Variants in CACNA1H observed in about 807,000 individuals in gnomAD.
CACNA1H encodes voltage-dependent T-type calcium channel subunit alpha-1H.
CACNA1H carries 149 observed loss-of-function variants against 192.5 expected under a neutral mutation model. The ratio of observed to expected loss-of-function variants is 0.77; its 90% CI spans 0.68 to 0.89. CACNA1H has a LOEUF of 0.89. Among genes scored for constraint, CACNA1H ranks in the 40% least tolerant of loss-of-function variants. The probability of loss-of-function intolerance (pLI) is 0.00; values close to 1 mark genes in which losing one functional copy is unlikely to be tolerated. For missense variants in CACNA1H, 4,257 were observed against 3,423.5 expected, an observed-to-expected ratio of 1.24 and a Z score of -6.08; for synonymous variants, 2,202 against 1,475.2, an observed-to-expected ratio of 1.49 and a Z score of -11.29.
chr16:1,219,162 T>G, intron 34 of CACNA1H, 32 bp downstream of exon 34: 3 of 1,491,552 alleles, frequency 2.0e-6, no homozygotes, highest in Non-Finnish European at 2.7e-6. Context: ...CAGCAGAGGC[T>G]GGCGGGGATG....
At position 1,204,057 on chromosome 16, in the gene CACNA1H, C is replaced by T. The variant is rs762185083; in HGVS notation, c.2050C>T (p.Pro684Ser). Residue 684 changes from proline (P) to serine (S), a missense_variant, in exon 10 of 35, where the codon CCC (proline) becomes TCC (serine). Pro to Ser is a moderately conservative substitution (Grantham distance 74). Coordinates refer to ENST00000348261, the MANE Select transcript of CACNA1H (RefSeq NM_021098.3). ...TCTGTCGGGCCTCAGTGTGCCCTGCCCCCTGCCCAGCCCCCCAGCGGGCAC... is the reference window on the plus strand; with the variant it reads ...TCTGTCGGGCCTCAGTGTGCCCTGCTCCCTGCCCAGCCCCCCAGCGGGCAC... ...GHLSGLSVPC[P>S]LPSPPAGTLT... The T allele has an allele frequency of 8.2e-6, 13 of 1,594,382 alleles. No homozygotes were observed. Among genetic ancestry groups the T allele is most frequent in the South Asian group, 2.3e-5 (2 of 88,158 alleles).
At chr16:1,161,141 C>T (rs921121450) in intron 2 of CACNA1H, among the ~76,000 whole-genome samples, 4 of 152,206 alleles carry the variant, frequency 2.6e-5, no homozygotes, top group African/African-American at 4.8e-5. Flanking sequence ...GAGACCTCAG[C>T]GTCTGCTGGC....
At chr16:1,201,482 C>T (rs910180176) in intron 8 of CACNA1H, among the ~76,000 whole-genome samples, 181 bp from the exon 9 acceptor site, 7 of 152,170 alleles carry the variant, frequency 4.6e-5, no homozygotes, top group South Asian at 4.1e-4. Flanking sequence ...CTACTGTATG[C>T]CGTCTGCTCC....
At chr16:1,205,989 T>G in intron 11 of CACNA1H, 115 bp from the exon 12 acceptor site, 2 of 935,374 alleles carry the variant, frequency 2.1e-6, no homozygotes, top group South Asian at 1.7e-5. Context: ...CTCCCATCTG[T>G]GGGATGCAGC....
At position 1,219,868 on chromosome 16, in the gene CACNA1H, A is replaced by C. The variant is rs1055478443; in HGVS notation, c.6049-113A>C. 4.0e-6 allele frequency: 3 copies of C among 755,716 alleles called. No individual in the cohort carries two copies. The Admixed American group carries it at 1.3e-4, about 32-fold the overall frequency. 46.8% of individuals were successfully genotyped at this position (755,716 alleles called of 1,614,324 possible). ...TCGAGGGTCAGGAGCCACCCAGGGG[A>C]CCTGCCCAGTTTGGCCTCTCCAGTA... On this transcript the variant is annotated intron_variant, in intron 34 of 34. Coordinates refer to ENST00000348261, the MANE Select transcript of CACNA1H (RefSeq NM_021098.3).
At chr16:1,219,575 C>T (rs1282110618) in intron 34 of CACNA1H, among the ~76,000 whole-genome samples, 4 of 152,232 alleles carry the variant, frequency 2.6e-5, no homozygotes, top group Non-Finnish European at 5.9e-5. Context: ...CACCTGCAGC[C>T]TCAGCTCCTC....
At position 1,153,794 on chromosome 16, in the gene CACNA1H, C is replaced by A; in HGVS notation, c.57C>A (p.Pro19=). The A allele has an allele frequency of 1.6e-6, 2 of 1,247,018 alleles. No homozygotes were observed. Among genetic ancestry groups the A allele is most frequent in the Non-Finnish European group, 2.0e-6 (2 of 996,184 alleles). 77.2% of individuals were successfully genotyped at this position (1,247,018 alleles called of 1,614,324 possible). A position where few individuals can be genotyped will look rare whatever the true frequency, so the allele number is the denominator to read the frequency against. The change falls in exon 2 of 35, where the codon CCC becomes CCA. Residue 19 remains proline (P), a synonymous_variant. Coordinates refer to ENST00000348261, the MANE Select transcript of CACNA1H (RefSeq NM_021098.3). ...DEVRVPLGAP[P]PGPAALVGAS... is the part of the protein sequence containing the mutation. ...TCCGGGTGCCCCTGGGCGCGCCGCC[C>A]CCTGGCCCTGCGGCGTTGGTGGGGG...
chr16:1,170,098 C>G (rs1043481763), intron 2 of CACNA1H, among the ~76,000 whole-genome samples: 7 of 152,210 alleles, frequency 4.6e-5, no homozygotes, highest in Non-Finnish European at 7.4e-5. Flanking sequence ...CGGCTTACAG[C>G]GAGCTCCCAG....
At chr16:1,158,604 C>T (rs1282688029) in intron 2 of CACNA1H, among the ~76,000 whole-genome samples, 2 of 152,204 alleles carry the variant, frequency 1.3e-5, no homozygotes, top group Admixed American at 6.5e-5. Flanking sequence ...GGGGCTACCC[C>T]GATGGACTCG....
chr16:1,190,982 C>A (rs1449730127), intron 2 of CACNA1H, among the ~76,000 whole-genome samples: 1 of 146,134 alleles, frequency 6.8e-6, no homozygotes, highest in Non-Finnish European at 1.5e-5. Context: ...CTCGGGGTTT[C>A]GGTGACCCAG....
In CACNA1H at chr16:1,180,972, G is replaced by T. The variant is rs1211951070; in HGVS notation, c.300-14000G>T. ...ACTGCTTCCGCCAGCTTCCCGGCCA[G>T]ACCCAAGGGTGGAGCTCCAGGCCAC... On this transcript the variant is annotated intron_variant, in intron 2 of 34. Transcript: ENST00000348261. This position sits in a 1 kb window ranked among gnomAD's most constrained non-coding sequence, Gnocchi z 4.4. Among the ~76,000 whole-genome samples the T allele has an allele frequency of 6.6e-6, 1 of 152,224 alleles. No homozygotes were observed. The highest frequency in any genetic ancestry group is 1.9e-4 in the East Asian group (1 of 5,184).
intron 2 of CACNA1H, among the ~76,000 whole-genome samples, chr16:1,190,539 C>T (rs1342946754): frequency 2.6e-5 from 4 of 152,250 alleles, no homozygotes; most frequent in South Asian, 2.1e-4. Context: ...CCTGGTACAT[C>T]TGGCAGTCCC....
rs374784679 is a variant in CACNA1H at position 1,213,766 on chromosome 16, C to A, written c.4778-14C>A. 6.5e-7 allele frequency: 1 copy of A among 1,534,426 alleles called. No individual in the cohort carries two copies. Among genetic ancestry groups the A allele is most frequent in the African/African-American group, 1.4e-5 (1 of 72,500 alleles). On this transcript the variant is annotated splice_polypyrimidine_tract_variant and intron_variant, in intron 26 of 34. Transcript: ENST00000348261. ...GGCCCTCCTGCCCGGCGCTCATGGCCGCCCTCCCCGCAGAGGCCCAGCGCC... is the reference window on the plus strand; with the variant it reads ...GGCCCTCCTGCCCGGCGCTCATGGCAGCCCTCCCCGCAGAGGCCCAGCGCC...
At position 1,201,725 on chromosome 16, in the gene CACNA1H, G is replaced by C; in HGVS notation, c.1275G>C (p.Thr425=). ...TGATTGCCACGCAGTTCTCGGAGACGAAGCAGCGGGAGAGTCAGCTGATGC... is the reference window on the plus strand; with the variant it reads ...TGATTGCCACGCAGTTCTCGGAGACCAAGCAGCGGGAGAGTCAGCTGATGC... ...LVVIATQFSE[T]KQRESQLMRE... The change falls in exon 9 of 35, where the codon ACG becomes ACC. Residue 425 remains threonine, a synonymous_variant. Transcript: ENST00000348261. 1 of 1,610,396 alleles carries C rather than the reference G, an allele frequency of 6.2e-7. No individual in the cohort carries two copies. The highest frequency in any genetic ancestry group is 2.2e-5 in the East Asian group (1 of 44,812).
In CACNA1H at chr16:1,182,099, G is replaced by C. The variant is rs546470116; in HGVS notation, c.300-12873G>C. ...GAGAAGTGGCCGCCCAGGTGAGCCTGGTGTTTCCCCGGGCTGTGGCAGGGG... is the reference window on the plus strand; with the variant it reads ...GAGAAGTGGCCGCCCAGGTGAGCCTCGTGTTTCCCCGGGCTGTGGCAGGGG... On this transcript the variant is annotated intron_variant, in intron 2 of 34. Transcript: ENST00000348261. 1.6e-4 allele frequency among the ~76,000 whole-genome samples: 24 copies of C among 152,310 alleles called. No homozygotes were observed. The South Asian group carries it at 2.1e-3, about 13-fold the overall frequency.
At position 1,215,551 on chromosome 16, in the gene CACNA1H, C is replaced by T. The variant is rs780955770; in HGVS notation, c.5202C>T (p.Gly1734=). 2 of 1,611,892 alleles carry T rather than the reference C, an allele frequency of 1.2e-6. No individual in the cohort carries two copies. The highest frequency in any genetic ancestry group is 1.7e-5 in the Admixed American group (1 of 59,938). Residue 1734 remains glycine, a synonymous_variant, in exon 30 of 35, where the codon GGC becomes GGT. Transcript: ENST00000348261. ...RVLKLLKMAT[G]MRALLDTVVQ... The stretch of plus-strand genomic sequence containing the variant: ...TGAAGCTGCTGAAGATGGCTACGGG[C>T]ATGCGCGCCCTGCTGGACACTGTGG...
chr16:1,207,953 G>A (rs1596445484), intron 15 of CACNA1H, 60 bp from the exon 16 acceptor site: 5 of 1,548,950 alleles, frequency 3.2e-6, no homozygotes, highest in South Asian at 1.2e-5. Context: ...CTAGGTTGGG[G>A]GATTCCTGGT....
Position 1,204,169 on chromosome 16 carries a change from A to G in CACNA1H, c.2162A>G (p.Asp721Gly). The change falls in exon 10 of 35, where the codon GAC (aspartate) becomes GGC (glycine). Residue 721 changes from aspartate (D) to glycine (G), a missense_variant. Asp to Gly is a moderately conservative substitution (Grantham distance 94). Transcript: ENST00000348261. ...GAGCTCAGCGGCTCGGAAAGTGGAG[A>G]CTCAGATGGCCGTGGCGTCTATGAA... ...EGELSGSESGDSDGRGVYEFT... is the reference protein window; with the variant it reads ...EGELSGSESGGSDGRGVYEFT... 1 of 1,612,216 alleles carries G rather than the reference A, an allele frequency of 6.2e-7. No homozygotes were observed. Among genetic ancestry groups the G allele is most frequent in the Non-Finnish European group, 8.5e-7 (1 of 1,179,680 alleles).
Position 1,220,195 on chromosome 16 carries a change from G to A in CACNA1H, c.6263G>A (p.Gly2088Glu). The A allele has an allele frequency of 1.3e-6, 2 of 1,544,422 alleles. No individual in the cohort carries two copies. Among genetic ancestry groups the A allele is most frequent in the Non-Finnish European group, 1.7e-6 (2 of 1,150,914 alleles). Residue 2088 changes from glycine to glutamate, a missense_variant, in exon 35 of 35, where the codon GGA (glycine) becomes GAA (glutamate). Coordinates refer to ENST00000348261, the MANE Select transcript of CACNA1H (RefSeq NM_021098.3). ...TCCAGCCGGCCGGCGGCCCCAGGCGGAGAGGAGGCCGAGGCCTCGGACCCA... is the reference window on the plus strand; with the variant it reads ...TCCAGCCGGCCGGCGGCCCCAGGCGAAGAGGAGGCCGAGGCCTCGGACCCA... ...CVSSRPAAPG[G>E]EEAEASDPAD...
Sources: allele counts gnomAD v4.1 joint callset (sites outside exome capture counted in the v4.1 genomes callset), GRCh38; gene constraint gnomAD v4.1.1; non-coding constraint Gnocchi (gnomAD v3.1); transcripts MANE v1.5; gene names NCBI Gene and HGNC (gene_info 2026-07-23, HGNC 2026-07-21).